ATG13: variants seen among roughly 807,000 people sequenced by gnomAD.
The protein encoded by ATG13 is autophagy-related protein 13.
ATG13 carries 23 observed loss-of-function variants against 65.5 expected under a neutral mutation model. The observed-to-expected ratio is 0.35, with a 90% CI of 0.25 to 0.50. ATG13 has a LOEUF of 0.50. Among genes scored for constraint, ATG13 ranks in the 20% least tolerant of loss-of-function variants. The pLI is 0.98. For missense variants in ATG13, 566 were observed against 677.0 expected (o/e 0.84, Z 1.82); for synonymous variants, 252 against 245.2 (o/e 1.03, Z -0.26).
intron 7 of ATG13, among the ~76,000 whole-genome samples, chr11:46,651,260 T>A (rs2058836575): frequency 6.6e-6 from 1 of 152,150 alleles, no homozygotes; most frequent in Non-Finnish European, 1.5e-5. Context: ...AAAAAGGTAC[T>A]GAGAGAATAT....
intron 1 of ATG13, among the ~76,000 whole-genome samples, chr11:46,623,545 A>G (rs1243915527): frequency 6.6e-6 from 1 of 151,754 alleles, no homozygotes; most frequent in African/African-American, 2.4e-5. Flanking sequence ...CTCCTGCCTC[A>G]GCCTCCCAAG....
intron 1 of ATG13, among the ~76,000 whole-genome samples, chr11:46,618,807 A>G (rs1005855729): frequency 2.6e-5 from 4 of 151,348 alleles, no homozygotes; most frequent in African/African-American, 9.7e-5. Context: ...TTAGTTTTTT[A>G]GATTTTAAAA....
chr11:46,624,543 A>G (rs1474868982), intron 1 of ATG13, among the ~76,000 whole-genome samples: 1 of 150,928 alleles, frequency 6.6e-6, no homozygotes, highest in Non-Finnish European at 1.5e-5. Flanking sequence ...TGACGAGCCC[A>G]TTATATTATT....
chr11:46,662,994 G>A (rs148842531), intron 11 of ATG13, among the ~76,000 whole-genome samples: 333 of 152,130 alleles, frequency 2.2e-3, no homozygotes, highest in African/African-American at 7.7e-3. Flanking sequence ...GTCCAGGCGC[G>A]GTGGCTCACA....
At chr11:46,650,420 G>C in intron 7 of ATG13, 103 bp downstream of exon 7, 15 of 1,437,522 alleles carry the variant, frequency 1.0e-5, no homozygotes, top group South Asian at 1.4e-5. Context: ...ACAGTTGGTT[G>C]GTTTGTTGGA....
intron 1 of ATG13, among the ~76,000 whole-genome samples, chr11:46,627,725 C>T (rs1002093383): frequency 5.3e-5 from 8 of 152,000 alleles, no homozygotes; most frequent in South Asian, 2.1e-4. Context: ...GTGATCTGCC[C>T]GCCTCGGTAT....
At chr11:46,620,072 T>C (rs2046958301) in intron 1 of ATG13, among the ~76,000 whole-genome samples, 1 of 151,192 alleles carries the variant, frequency 6.6e-6, no homozygotes, top group Admixed American at 6.6e-5. Flanking sequence ...ATAGGTTACA[T>C]AGGCAATTTG....
At chr11:46,633,535 C>T (rs1241701582) in intron 2 of ATG13, among the ~76,000 whole-genome samples, 1 of 151,330 alleles carries the variant, frequency 6.6e-6, no homozygotes, top group East Asian at 2.0e-4. Flanking sequence ...TTAGTAGAGA[C>T]GGGGTTTCGC....
chr11:46,656,918 TACACGCACATAC>T, intron 8 of ATG13, 165 bp from the exon 9 acceptor site: 1 of 614,460 alleles, frequency 1.6e-6, no homozygotes, highest in African/African-American at 1.9e-5. Flanking sequence ...TACACACACA[TACACGCACATAC>T]ACACACACAC....
In ATG13 at chr11:46,669,273, G is replaced by A. The variant is rs76646684; in HGVS notation, c.1447-131G>A. On this transcript the variant is annotated intron_variant, in intron 17 of 18. Coordinates refer to ENST00000683050, the MANE Select transcript of ATG13 (RefSeq NM_001346311.2). ...GAAGTGAACAGTCTGGGAGAGAAAA[G>A]TGTAAAGATTTCTCTCCCTAAGATA... The A allele has an allele frequency of 3.7e-3, 4,310 of 1,155,804 alleles. 124 individuals are homozygous for A. The African/African-American group carries it at 0.059, about 16-fold the overall frequency. 71.6% of individuals were successfully genotyped at this position (1,155,804 alleles called of 1,614,324 possible). A position where few individuals can be genotyped will look rare whatever the true frequency, so the allele number is the denominator to read the frequency against.
chr11:46,622,799 T>C (rs987168015), intron 1 of ATG13, among the ~76,000 whole-genome samples: 1 of 152,230 alleles, frequency 6.6e-6, no homozygotes, highest in African/African-American at 2.4e-5. Flanking sequence ...CCAACACTTG[T>C]TGAACAGAAT....
At chr11:46,659,656 A>T in intron 11 of ATG13, 171 bp downstream of exon 11, 1 of 551,182 alleles carries the variant, frequency 1.8e-6, no homozygotes, top group Non-Finnish European at 3.2e-6. Flanking sequence ...TAGTATTTCT[A>T]GTCTGTAATT....
At chr11:46,634,328 G>C (rs1249413671) in intron 2 of ATG13, among the ~76,000 whole-genome samples, 1 of 151,846 alleles carries the variant, frequency 6.6e-6, no homozygotes, top group African/African-American at 2.4e-5. Flanking sequence ...GCGATCTCCT[G>C]ATCTTGTGAT....
chr11:46,663,677 G>A (rs1417223381), intron 11 of ATG13, among the ~76,000 whole-genome samples: 3 of 152,266 alleles, frequency 2.0e-5, no homozygotes, highest in African/African-American at 7.2e-5. Flanking sequence ...TTTTTGAGTA[G>A]AGACAGACTA....
intron 7 of ATG13, among the ~76,000 whole-genome samples, chr11:46,653,593 G>A (rs779621035): frequency 6.8e-6 from 1 of 147,988 alleles, no homozygotes; most frequent in Non-Finnish European, 1.5e-5. Context: ...TTTTTGAGAC[G>A]GAGTCTCGCT....
intron 11 of ATG13, among the ~76,000 whole-genome samples, chr11:46,661,242 G>A (rs2061136357): frequency 6.6e-6 from 1 of 152,166 alleles, no homozygotes; most frequent in South Asian, 2.1e-4. Flanking sequence ...GTTCTGCCGG[G>A]CGCAGTGGCT....
rs1005839335 is a variant in ATG13, at chr11:46,668,682, G to A, written c.1329+106G>A. On this transcript the variant is annotated intron_variant, in intron 16 of 18. Transcript: ENST00000683050. Reference sequence around the variant, plus strand: ...CACAGACTATAAACCATGGCCCCTCGGCTTACGGGTTTGTAGCCAGCATTA... The same window carrying A: ...CACAGACTATAAACCATGGCCCCTCAGCTTACGGGTTTGTAGCCAGCATTA... The A allele has an allele frequency of 5.0e-5, 75 of 1,500,120 alleles. 2 individuals are homozygous for A. The South Asian group carries it at 5.6e-4, about 11-fold the overall frequency. The allele number at this position is 1,500,120 out of a possible 1,614,324, so 92.9% of individuals were successfully genotyped here. A position where few individuals can be genotyped will look rare whatever the true frequency, so the allele number is the denominator to read the frequency against.
intron 2 of ATG13, among the ~76,000 whole-genome samples, chr11:46,634,827 C>T (rs547838572): frequency 6.6e-6 from 1 of 151,518 alleles, no homozygotes; most frequent in East Asian, 1.9e-4. Flanking sequence ...TCAGCCTCCC[C>T]AGTAGCTGGG....
intron 2 of ATG13, among the ~76,000 whole-genome samples, chr11:46,632,135 G>T (rs2052012803): frequency 6.6e-6 from 1 of 152,188 alleles, no homozygotes; most frequent in African/African-American, 2.4e-5. Context: ...AGGACAATAA[G>T]TGTAGATGAA....
Sources: gnomAD v4.1 joint callset for allele counts (sites outside exome capture counted in the v4.1 genomes callset) on GRCh38, gnomAD v4.1.1 for gene constraint, MANE v1.5 for transcripts, NCBI Gene and HGNC (gene_info 2026-07-23, HGNC 2026-07-21) for gene names.